The following RBFOX1 variants were observed in gnomAD, a reference collection of about 807,000 sequenced individuals.
RBFOX1 encodes the protein RNA binding protein fox-1 homolog 1.
In RBFOX1, 8 loss-of-function variants were observed where a neutral mutation model predicts 57.7. That is an observed-to-expected ratio of 0.14 (90% CI 0.08 to 0.25). RBFOX1 has a LOEUF of 0.25. Among genes scored for constraint, RBFOX1 ranks in the 10% least tolerant of loss-of-function variants. RBFOX1 has a pLI of 1.00. For synonymous variants in RBFOX1, 326 were observed against 222.4 expected (o/e 1.47, Z -4.15); for missense variants, 611 against 548.5 (o/e 1.11, Z -1.14).
intron 3 of RBFOX1, among the ~76,000 whole-genome samples, chr16:6,794,805 C>T (rs146643719): frequency 7.9e-5 from 12 of 152,080 alleles, no homozygotes; most frequent in African/African-American, 2.7e-4. Flanking sequence ...GCAGATGGTA[C>T]ATGGATTTTT....
intron 3 of RBFOX1, among the ~76,000 whole-genome samples, chr16:5,823,055 A>G (rs920222857): frequency 6.6e-6 from 1 of 152,168 alleles, no homozygotes; most frequent in Non-Finnish European, 1.5e-5. Flanking sequence ...TAGTAATGCT[A>G]TTGGGAGCCA....
intron 4 of RBFOX1, among the ~76,000 whole-genome samples, chr16:5,948,287 C>T (rs1307042996): frequency 6.6e-6 from 1 of 152,122 alleles, no homozygotes; most frequent in Non-Finnish European, 1.5e-5. Flanking sequence ...TAATTGAGTT[C>T]AAGGAGAGGA....
chr16:6,880,438 G>T (rs1019660687), intron 3 of RBFOX1, among the ~76,000 whole-genome samples: 3 of 152,144 alleles, frequency 2.0e-5, no homozygotes, highest in East Asian at 1.9e-4. Context: ...AGCCAATCAG[G>T]GTTTGCTCTT....
At chr16:5,369,703 G>T (rs1596697896) in intron 1 of RBFOX1, among the ~76,000 whole-genome samples, 1 of 152,214 alleles carries the variant, frequency 6.6e-6, no homozygotes, top group East Asian at 1.9e-4. Context: ...TTCAGAGGTG[G>T]GTCTCAGTCA....
chr16:5,817,798 A>G (rs1056836160), intron 3 of RBFOX1, among the ~76,000 whole-genome samples: 1 of 150,106 alleles, frequency 6.7e-6, no homozygotes, highest in African/African-American at 2.5e-5. Context: ...GGTTCGCGCC[A>G]TTCTCCTGCC....
chr16:5,796,535 G>A (rs189758711), intron 3 of RBFOX1, among the ~76,000 whole-genome samples: 40 of 150,524 alleles, frequency 2.7e-4, no homozygotes, highest in Admixed American at 2.2e-3. Context: ...CAGGGATGAA[G>A]CAGGGCTGTA....
At chr16:7,484,905 G>A (rs1407507059) in intron 4 of RBFOX1, among the ~76,000 whole-genome samples, 1 of 152,150 alleles carries the variant, frequency 6.6e-6, no homozygotes, top group Non-Finnish European at 1.5e-5. Flanking sequence ...GTCAGTATCA[G>A]GAAAGTAAAG....
chr16:5,927,046 A>G (rs569733630), intron 4 of RBFOX1, among the ~76,000 whole-genome samples: 1 of 152,324 alleles, frequency 6.6e-6, no homozygotes, highest in Admixed American at 6.5e-5. Context: ...GCAGTTTCAA[A>G]TACCAGAATG....
chr16:6,594,210 C>A (rs1364804721), intron 2 of RBFOX1, among the ~76,000 whole-genome samples: 4 of 152,016 alleles, frequency 2.6e-5, no homozygotes, highest in Non-Finnish European at 5.9e-5. Context: ...GAAGGTGCTT[C>A]CAGCAAATAA....
intron 4 of RBFOX1, among the ~76,000 whole-genome samples, chr16:7,210,650 A>AG (rs1172890060): frequency 6.6e-6 from 1 of 152,186 alleles, no homozygotes; most frequent in Non-Finnish European, 1.5e-5. Flanking sequence ...TTTTGCTCTT[A>AG]GTAGGTGTCA....
At position 7,000,596 on chromosome 16, in the gene RBFOX1, C is replaced by CTTTTTTTTTTTTTTTTTTTTTTTTT. The variant is rs759103545; in HGVS notation, c.-15-51440_-15-51439insTTTTTTTTTTTTTTTTTTTTTTTTT. 8.6e-4 allele frequency among the ~76,000 whole-genome samples: 80 copies of CTTTTTTTTTTTTTTTTTTTTTTTTT among 92,566 alleles called. 1 individual carries two copies. Among genetic ancestry groups the CTTTTTTTTTTTTTTTTTTTTTTTTT allele is most frequent in the South Asian group, 1.3e-3 (3 of 2,320 alleles). 60.7% of individuals were successfully genotyped at this position (92,566 alleles called of 152,430 possible). A position where few individuals can be genotyped will look rare whatever the true frequency, so the allele number is the denominator to read the frequency against. Reference sequence around the variant, plus strand: ...TTTCTTTTTTTCTTTCTTTTTCTTTCTTTTTTTTTTTTTTTTTTTTTGAGA... The same window carrying CTTTTTTTTTTTTTTTTTTTTTTTTT: ...TTTCTTTTTTTCTTTCTTTTTCTTTCTTTTTTTTTTTTTTTTTTTTTTTTTTTTTTTTTTTTTTTTTTTTTTGAGA... On this transcript the variant is annotated intron_variant, in intron 3 of 15. Coordinates refer to ENST00000550418, the MANE Select transcript of RBFOX1 (RefSeq NM_018723.4).
chr16:6,727,992 T>C (rs1265571384), intron 3 of RBFOX1, among the ~76,000 whole-genome samples: 1 of 152,216 alleles, frequency 6.6e-6, no homozygotes, highest in African/African-American at 2.4e-5. Flanking sequence ...ATTCCCTATC[T>C]GTAAATTGAA....
At chr16:7,475,574 A>G (rs900594083) in intron 4 of RBFOX1, among the ~76,000 whole-genome samples, 3 of 152,230 alleles carry the variant, frequency 2.0e-5, no homozygotes, top group East Asian at 3.9e-4. Flanking sequence ...TGGCCTCCCA[A>G]AGTGCTGGGA....
Position 6,598,847 on chromosome 16 carries a change from G to T in RBFOX1, c.-63-55756G>T, listed in dbSNP as rs930778016. Among the ~76,000 whole-genome samples the T allele has an allele frequency of 2.0e-5, 3 of 152,160 alleles. No homozygotes were observed. In the East Asian group the frequency reaches 5.8e-4, roughly 29 times the overall value. ...TGTAGTCCCAGCTACTCGGGAGGCT[G>T]AGGCAGGAGAATCACTTGAATCCAG... On this transcript the variant is annotated intron_variant, in intron 2 of 15. Transcript: ENST00000550418.
intron 3 of RBFOX1, among the ~76,000 whole-genome samples, chr16:6,853,525 C>A (rs992795826): frequency 7.2e-5 from 11 of 152,038 alleles, no homozygotes; most frequent in African/African-American, 2.7e-4. Flanking sequence ...GGGACTCTGA[C>A]AGTGGTAGAT....
At chr16:6,807,802 G>A (rs192499559) in intron 3 of RBFOX1, among the ~76,000 whole-genome samples, 44 of 151,918 alleles carry the variant, frequency 2.9e-4, no homozygotes, top group African/African-American at 1.0e-3. Context: ...GTGACAGAGC[G>A]AGACTCCATC....
chr16:5,793,339 T>C (rs1295361660), intron 3 of RBFOX1, among the ~76,000 whole-genome samples: 1 of 152,268 alleles, frequency 6.6e-6, no homozygotes, highest in East Asian at 1.9e-4. Context: ...TTTCTTGTTT[T>C]GTCAACATGC....
chr16:6,491,329 G>A (rs2095628531), intron 2 of RBFOX1, among the ~76,000 whole-genome samples: 2 of 151,980 alleles, frequency 1.3e-5, no homozygotes, highest in African/African-American at 2.4e-5. Flanking sequence ...ATCTTAAGGT[G>A]AGCCTCCTTT....
intron 4 of RBFOX1, among the ~76,000 whole-genome samples, chr16:7,292,105 G>C (rs1258885255): frequency 1.3e-5 from 1 of 74,290 alleles, no homozygotes; most frequent in Non-Finnish European, 2.5e-5. Flanking sequence ...AATATATCAT[G>C]TATTATGTAT....
Sources: gnomAD v4.1 joint callset for allele counts (sites outside exome capture counted in the v4.1 genomes callset) on GRCh38, gnomAD v4.1.1 for gene constraint, MANE v1.5 for transcripts, NCBI Gene and HGNC (gene_info 2026-07-23, HGNC 2026-07-21) for gene names.